CEP295NL: variants seen among roughly 807,000 people sequenced by gnomAD.
CEP295NL encodes the protein CEP295 N-terminal like, also known as protein DDC8 homolog.
Under a neutral mutation model 4.6 loss-of-function variants are expected in CEP295NL, and 3 were observed. The ratio of observed to expected loss-of-function variants is 0.65; its 90% CI spans 0.30 to 1.69. The LOEUF (loss-of-function observed/expected upper bound fraction) is 1.69, where lower values mean the gene tolerates loss of function less well. Ranked by LOEUF, CEP295NL falls within the 40% of genes most tolerant of loss-of-function variation. The pLI, the probability that CEP295NL is intolerant of heterozygous loss-of-function variation, is 0.10. For synonymous variants in CEP295NL, 295 were observed against 312.2 expected (o/e 0.94, Z 0.58); for missense variants, 719 against 769.0 (o/e 0.93, Z 0.77).
At chr17:78,892,891 A>G (rs2069923782) in intron 2 of CEP295NL, among the ~76,000 whole-genome samples, 1 of 152,156 alleles carries the variant, frequency 6.6e-6, no homozygotes, top group South Asian at 2.1e-4. Context: ...CCCAAAGGGC[A>G]AGGGTTAGGA....
In CEP295NL at chr17:78,890,973, G is replaced by A. The variant is rs1019783277; in HGVS notation, c.1531C>T (p.Gln511Ter). The A allele has an allele frequency of 4.5e-6, 7 of 1,550,992 alleles. No individual in the cohort carries two copies. Among genetic ancestry groups the A allele is most frequent in the Admixed American group, 2.0e-5 (1 of 50,972 alleles). ...GATTCCAGTTGTTTTTGTCTTCTCTGCTCCATCTCTGCTTTCTGCCTTTGC... is the reference window on the plus strand; with the variant it reads ...GATTCCAGTTGTTTTTGTCTTCTCTACTCCATCTCTGCTTTCTGCCTTTGC... ...SRQRQKAEME[Q>*]RRQKQLESLE... Residue 511 changes from glutamine to a stop codon, truncating the protein, a stop_gained, in exon 3 of 3, where the codon CAG becomes TAG. Transcript: ENST00000322630. LOFTEE classifies it low-confidence loss of function (END_TRUNC).
intron 2 of CEP295NL, among the ~76,000 whole-genome samples, chr17:78,893,092 GGT>G (rs1185735359): frequency 2.0e-5 from 3 of 151,320 alleles, no homozygotes; most frequent in Non-Finnish European, 4.4e-5. Flanking sequence ...CGTGTGCAGG[GGT>G]GTGTGTGGGT....
rs1007744849 is a variant in CEP295NL, at chr17:78,891,761, G to A, written c.743C>T (p.Ala248Val). 6 of 1,550,986 alleles carry A rather than the reference G, an allele frequency of 3.9e-6. No homozygotes were observed. The highest frequency in any genetic ancestry group is 4.9e-5 in the East Asian group (2 of 40,918). The change falls in exon 3 of 3, where the codon GCG (alanine) becomes GTG (valine). Residue 248 changes from alanine (A) to valine (V), a missense_variant. Coordinates refer to ENST00000322630, the MANE Select transcript of CEP295NL (RefSeq NM_001243540.2). This position sits in a 1 kb window ranked among gnomAD's most constrained non-coding sequence, Gnocchi z 4.5. ...GAGTGGGTTTGACCTTTCTAGGTCC[G>A]CCCCTTTGCTCCTCCGAGGATGGAT... ...CAIHPRRSKGADLERSNPLVA... is the reference protein window; with the variant it reads ...CAIHPRRSKGVDLERSNPLVA...
At chr17:78,892,586 CTT>C (rs955268094) in intron 2 of CEP295NL, 127 bp from the exon 3 acceptor site, 73 of 1,414,362 alleles carry the variant, frequency 5.2e-5, no homozygotes, top group Non-Finnish European at 3.8e-5. Context: ...TCCAAGCTCT[CTT>C]GACCCGTGCC....
In CEP295NL at chr17:78,892,012, C is replaced by A. The variant is rs755011713; in HGVS notation, c.492G>T (p.Pro164=). The change falls in exon 3 of 3, where the codon CCG becomes CCT. Residue 164 remains proline, a synonymous_variant. Transcript: ENST00000322630. ...GPIQRRSARP[P]RAKEKHRAAL... is the part of the protein sequence containing the mutation. ...CTGCTCTATGCTTCTCCTTGGCCCT[C>A]GGGGGCCTGGCTGATCTTCGCTGGA... The A allele has an allele frequency of 6.4e-7, 1 of 1,550,696 alleles. No individual in the cohort carries two copies. Among genetic ancestry groups the A allele is most frequent in the African/African-American group, 1.4e-5 (1 of 73,162 alleles).
rs538699704 is a variant in CEP295NL at position 78,896,152 on chromosome 17, G to C, written c.45-3693C>G. Among the ~76,000 whole-genome samples, 1 of 152,158 alleles carries C rather than the reference G, an allele frequency of 6.6e-6. No homozygotes were observed. The highest frequency in any genetic ancestry group is 1.5e-5 in the Non-Finnish European group (1 of 68,022). On this transcript the variant is annotated intron_variant, in intron 2 of 2. Coordinates refer to ENST00000322630, the MANE Select transcript of CEP295NL (RefSeq NM_001243540.2). This position sits in a 1 kb window ranked among gnomAD's most constrained non-coding sequence, Gnocchi z 4.4. Reference sequence around the variant, plus strand: ...CACCATCAGATGCAACCTCGTCCCCGCTACCCCAGCTCTCCTTGCTCTCCC... The same window carrying C: ...CACCATCAGATGCAACCTCGTCCCCCCTACCCCAGCTCTCCTTGCTCTCCC...
At chr17:78,893,023 G>A (rs1391310840) in intron 2 of CEP295NL, among the ~76,000 whole-genome samples, 1 of 152,142 alleles carries the variant, frequency 6.6e-6, no homozygotes, top group Non-Finnish European at 1.5e-5. Flanking sequence ...AGGAAAGGAG[G>A]AAGAGACGGG....
At chr17:78,902,350 C>T (rs929821370) in intron 1 of CEP295NL, among the ~76,000 whole-genome samples, 2 of 152,210 alleles carry the variant, frequency 1.3e-5, no homozygotes, top group African/African-American at 4.8e-5. Context: ...TCAGGTGATC[C>T]ACTCGCCTCG....
intron 2 of CEP295NL, among the ~76,000 whole-genome samples, chr17:78,895,919 C>T (rs904979504): frequency 2.0e-5 from 3 of 152,248 alleles, no homozygotes; most frequent in African/African-American, 7.2e-5. Flanking sequence ...GACAAGTCTT[C>T]CCTGCTCTGG....
chr17:78,892,156 TCTCCTCAA>T lies in CEP295NL; in HGVS notation c.340_347del (p.Leu114ArgfsTer33). The T allele has an allele frequency of 6.4e-7, 1 of 1,550,896 alleles. No individual in the cohort carries two copies. The highest frequency in any genetic ancestry group is 8.7e-7 in the Non-Finnish European group (1 of 1,147,102). ...GCAGGTGCTGTGCCTCCTGATACCC[TCTCCTCAA>T]CTCCTCAGCCAAGCGCTGGAGCTGG... is the stretch of plus-strand genomic sequence containing the variant. On this transcript the variant is annotated frameshift_variant, in exon 3 of 3. Coordinates refer to ENST00000322630, the MANE Select transcript of CEP295NL (RefSeq NM_001243540.2). LOFTEE classifies it low-confidence loss of function (END_TRUNC).
At chr17:78,901,671 A>G (rs1002711043) in intron 2 of CEP295NL, 114 bp downstream of exon 2, 2 of 712,838 alleles carry the variant, frequency 2.8e-6, no homozygotes, top group Admixed American at 2.0e-5. Flanking sequence ...TGGGTGCCTC[A>G]GTTTGCTCTT....
intron 2 of CEP295NL, among the ~76,000 whole-genome samples, chr17:78,894,624 C>T (rs1413841436): frequency 1.3e-5 from 2 of 152,100 alleles, no homozygotes; most frequent in African/African-American, 4.8e-5. Flanking sequence ...TGGGAATTCA[C>T]AGCCTTATCT....
At chr17:78,893,467 G>T (rs557232760) in intron 2 of CEP295NL, among the ~76,000 whole-genome samples, 3 of 150,600 alleles carry the variant, frequency 2.0e-5, no homozygotes, top group African/African-American at 7.3e-5. Context: ...AGGGGTGTGT[G>T]TGCATAGCGG....
rs936614780 is a variant in CEP295NL, at chr17:78,896,496, C to T, written c.45-4037G>A. 2.6e-5 allele frequency among the ~76,000 whole-genome samples: 4 copies of T among 152,178 alleles called. No individual in the cohort carries two copies. The highest frequency in any genetic ancestry group is 9.7e-5 in the African/African-American group (4 of 41,442). On this transcript the variant is annotated intron_variant, in intron 2 of 2. Transcript: ENST00000322630. This position sits in a 1 kb window ranked among gnomAD's most constrained non-coding sequence, Gnocchi z 4.4. ...AGCTCCCCTCCCAGAGGCACCTGCCCTCTCTGGTTGCTTAGAATATTCTAG... is the reference window on the plus strand; with the variant it reads ...AGCTCCCCTCCCAGAGGCACCTGCCTTCTCTGGTTGCTTAGAATATTCTAG...
chr17:78,892,645 T>G, intron 2 of CEP295NL, 186 bp from the exon 3 acceptor site: 1 of 851,122 alleles, frequency 1.2e-6, no homozygotes, highest in Admixed American at 3.0e-5. Flanking sequence ...TGTACACTTT[T>G]GACAAGAGCC....
Position 78,896,067 on chromosome 17 carries a change from T to C in CEP295NL, c.45-3608A>G, listed in dbSNP as rs2069994402. ...CTTAACACATTTGGGCAGAGATCTTTGGGATAAGTCTAGAAAATTGCAGCC... is the reference window on the plus strand; with the variant it reads ...CTTAACACATTTGGGCAGAGATCTTCGGGATAAGTCTAGAAAATTGCAGCC... On this transcript the variant is annotated intron_variant, in intron 2 of 2. Coordinates refer to ENST00000322630, the MANE Select transcript of CEP295NL (RefSeq NM_001243540.2). This position sits in a 1 kb window ranked among gnomAD's most constrained non-coding sequence, Gnocchi z 4.4. 6.6e-6 allele frequency among the ~76,000 whole-genome samples: 1 copy of C among 152,198 alleles called. No homozygotes were observed. The highest frequency in any genetic ancestry group is 2.4e-5 in the African/African-American group (1 of 41,452).
chr17:78,893,412 CATAGGGGTGTGTGTGCAGGGGTGTGT>C (rs2069945962), intron 2 of CEP295NL, among the ~76,000 whole-genome samples: 1 of 65,766 alleles, frequency 1.5e-5, no homozygotes, highest in African/African-American at 7.7e-5. Flanking sequence ...GGTGTGTGTG[CATAGGGGTGTGTGTGCAGGGGTGTGT>C]GCGTGGGGCT....
chr17:78,897,549 C>T (rs1299166053), intron 2 of CEP295NL: 1 of 152,212 alleles, frequency 6.6e-6, no homozygotes, highest in Non-Finnish European at 1.5e-5. Flanking sequence ...AATCCACCCA[C>T]AGTGGGTGAC....
chr17:78,890,680 T>C lies in CEP295NL; in HGVS notation c.1824A>G (p.Glu608=). 1 of 1,550,564 alleles carries C rather than the reference T, an allele frequency of 6.4e-7. No individual in the cohort carries two copies. The highest frequency in any genetic ancestry group is 8.7e-7 in the Non-Finnish European group (1 of 1,146,934). ...QQNRLHKQFL[E]EARKCLREFQ... is the part of the protein sequence containing the mutation. ...ACTCCCGCAAGCATTTCCGGGCTTC[T>C]TCAAGAAACTGCTTGTGCAACCTGT... The change falls in exon 3 of 3, where the codon GAA becomes GAG. Residue 608 remains glutamate, a synonymous_variant. Coordinates refer to ENST00000322630, the MANE Select transcript of CEP295NL (RefSeq NM_001243540.2).
Sources: gnomAD v4.1 joint callset for allele counts (sites outside exome capture counted in the v4.1 genomes callset) on GRCh38, gnomAD v4.1.1 for gene constraint, Gnocchi (gnomAD v3.1) non-coding constraint, MANE v1.5 for transcripts, NCBI Gene and HGNC (gene_info 2026-07-23, HGNC 2026-07-21) for gene names.